The following LSAMP variants were observed in gnomAD, a reference collection of about 807,000 sequenced individuals.
The protein encoded by LSAMP is limbic system-associated membrane protein.
Under a neutral mutation model 38.6 loss-of-function variants are expected in LSAMP, and 7 were observed. The observed-to-expected ratio is 0.18, with a 90% CI of 0.10 to 0.34. LSAMP has a LOEUF of 0.34. LSAMP is among the 10% of genes least tolerant of loss of function. LSAMP has a pLI of 1.00. For synonymous variants in LSAMP, 154 were observed against 166.8 expected (o/e 0.92, Z 0.59); for missense variants, 313 against 420.0 (o/e 0.75, Z 2.23).
Position 116,107,131 on chromosome 3 carries a change from A to T in LSAMP, c.156-20575T>A, listed in dbSNP as rs562512195. Among the ~76,000 whole-genome samples, 21 of 152,194 alleles carry T rather than the reference A, an allele frequency of 1.4e-4. No individual in the cohort carries two copies. In the East Asian group the frequency reaches 1.9e-3, roughly 14 times the overall value. On this transcript the variant is annotated intron_variant, in intron 1 of 6. Coordinates refer to ENST00000490035, the MANE Select transcript of LSAMP (RefSeq NM_002338.5). Reference sequence around the variant, plus strand: ...AAGGAAATATGGGGAAATGGGGTGAATATCAGGCGGATCAGAGAGATACAG... The same window carrying T: ...AAGGAAATATGGGGAAATGGGGTGATTATCAGGCGGATCAGAGAGATACAG...
At chr3:115,858,905 A>G (rs1935588728) in intron 3 of LSAMP, among the ~76,000 whole-genome samples, 1 of 152,158 alleles carries the variant, frequency 6.6e-6, no homozygotes, top group East Asian at 1.9e-4. Context: ...TTCTTACAGT[A>G]TGTTTCATGT....
chr3:116,189,968 T>C (rs1485222074), intron 1 of LSAMP, among the ~76,000 whole-genome samples: 1 of 152,018 alleles, frequency 6.6e-6, no homozygotes, highest in Non-Finnish European at 1.5e-5. Context: ...CATATATACA[T>C]CAAAACATCA....
intron 1 of LSAMP, among the ~76,000 whole-genome samples, chr3:116,131,649 C>T (rs2107502893): frequency 6.6e-6 from 1 of 152,016 alleles, no homozygotes; most frequent in Non-Finnish European, 1.5e-5. Flanking sequence ...TTGCAGATAC[C>T]CCTCCATTTT....
At position 115,805,739 on chromosome 3, in the gene LSAMP, A is replaced by T. The variant is rs561135283; in HGVS notation, c.*4578T>A. On this transcript the variant is annotated 3_prime_UTR_variant, in exon 7 of 7. Coordinates refer to ENST00000490035, the MANE Select transcript of LSAMP (RefSeq NM_002338.5). ...TTGGCGACATTTGAACAGCATAGCT[A>T]CATGCAAATGAGAATAGTTTACTTC... The T allele has an allele frequency of 6.6e-6, 1 of 152,380 alleles. No individual in the cohort carries two copies. Among genetic ancestry groups the T allele is most frequent in the East Asian group, 1.9e-4 (1 of 5,194 alleles). The allele number at this position is 152,380 out of a possible 1,614,324, so 9.4% of individuals were successfully genotyped here. A position where few individuals can be genotyped will look rare whatever the true frequency, so the allele number is the denominator to read the frequency against.
intron 2 of LSAMP, among the ~76,000 whole-genome samples, chr3:116,045,541 TA>T (rs10662058): frequency 0.028 from 2,130 of 75,990 alleles, 36 homozygotes; most frequent in African/African-American, 0.082. Context: ...GTGGAGGTGG[TA>T]AAAAAAAAAA....
chr3:116,270,262 T>G (rs1430380532), intron 1 of LSAMP, among the ~76,000 whole-genome samples: 2 of 152,062 alleles, frequency 1.3e-5, no homozygotes, highest in African/African-American at 4.8e-5. Context: ...ACGGAAATGA[T>G]AAAAGACTGC....
intron 1 of LSAMP, among the ~76,000 whole-genome samples, chr3:116,398,668 G>T (rs986209068): frequency 4.6e-5 from 7 of 152,152 alleles, no homozygotes; most frequent in African/African-American, 1.7e-4. Context: ...CTTCTAATTG[G>T]TAGAAGCATA....
chr3:116,261,624 A>G (rs2046827133), intron 1 of LSAMP, among the ~76,000 whole-genome samples: 1 of 152,156 alleles, frequency 6.6e-6, no homozygotes, highest in Non-Finnish European at 1.5e-5. Flanking sequence ...ACAATTATTT[A>G]TCTAGGAAAT....
intron 1 of LSAMP, among the ~76,000 whole-genome samples, chr3:116,311,109 TA>T (rs1004770127): frequency 6.6e-6 from 1 of 152,086 alleles, no homozygotes; most frequent in Non-Finnish European, 1.5e-5. Context: ...GGTACTAGTC[TA>T]AAGCTACCGA....
chr3:116,351,820 C>T (rs138949884), intron 1 of LSAMP, among the ~76,000 whole-genome samples: 230 of 152,124 alleles, frequency 1.5e-3, no homozygotes, highest in African/African-American at 5.2e-3. Context: ...AAATCTTCAA[C>T]GAAGTTCAAG....
chr3:115,959,757 A>G (rs970528709), intron 3 of LSAMP, among the ~76,000 whole-genome samples: 11 of 152,178 alleles, frequency 7.2e-5, no homozygotes, highest in African/African-American at 2.4e-4. Flanking sequence ...AACACTCACT[A>G]AAAGGTAGCT....
At chr3:116,255,427 G>A (rs77556699) in intron 1 of LSAMP, among the ~76,000 whole-genome samples, 2,928 of 152,222 alleles carry the variant, frequency 0.019, 77 homozygotes, top group African/African-American at 0.065. Flanking sequence ...CAATGCAGGA[G>A]TCCACAAGCT....
At chr3:116,167,489 A>G (rs1710088594) in intron 1 of LSAMP, among the ~76,000 whole-genome samples, 1 of 152,208 alleles carries the variant, frequency 6.6e-6, no homozygotes, top group South Asian at 2.1e-4. Context: ...AGGATCTCAT[A>G]AAGAGTGTAG....
At chr3:116,132,537 C>T (rs1313627279) in intron 1 of LSAMP, among the ~76,000 whole-genome samples, 18 of 152,164 alleles carry the variant, frequency 1.2e-4, no homozygotes, top group Non-Finnish European at 2.9e-5. Flanking sequence ...TATAATCTTC[C>T]ACCACATAAC....
intron 1 of LSAMP, among the ~76,000 whole-genome samples, chr3:116,189,579 G>A (rs1056896921): frequency 3.9e-5 from 6 of 152,170 alleles, no homozygotes; most frequent in African/African-American, 2.4e-5. Flanking sequence ...ACTCAGCCCT[G>A]TGAACACATT....
intron 1 of LSAMP, among the ~76,000 whole-genome samples, chr3:116,120,211 T>C (rs1708844025): frequency 6.6e-6 from 1 of 152,144 alleles, no homozygotes; most frequent in South Asian, 2.1e-4. Context: ...GTAAAAGGTA[T>C]CTTGATGGAC....
At chr3:116,058,038 A>G (rs1294553394) in intron 2 of LSAMP, among the ~76,000 whole-genome samples, 1 of 152,048 alleles carries the variant, frequency 6.6e-6, no homozygotes, top group African/African-American at 2.4e-5. Flanking sequence ...TACAGTGGAA[A>G]GAAAATTCTA....
chr3:116,194,417 C>T (rs1450718740), intron 1 of LSAMP, among the ~76,000 whole-genome samples: 2 of 151,688 alleles, frequency 1.3e-5, no homozygotes, highest in African/African-American at 2.4e-5. Flanking sequence ...TTGTTTGAGT[C>T]AGAGTCTCGC....
chr3:116,374,636 C>T (rs140933570), intron 1 of LSAMP, among the ~76,000 whole-genome samples: 38 of 151,884 alleles, frequency 2.5e-4, no homozygotes, highest in African/African-American at 7.5e-4. Flanking sequence ...ATTTCAATTA[C>T]GAAACAAAAA....
Sources: allele counts gnomAD v4.1 joint callset (sites outside exome capture counted in the v4.1 genomes callset), GRCh38; gene constraint gnomAD v4.1.1; transcripts MANE v1.5; gene names NCBI Gene and HGNC (gene_info 2026-07-23, HGNC 2026-07-21).